The following ALPK1 variants were observed in gnomAD, a reference collection of about 807,000 sequenced individuals.
ALPK1 encodes alpha-protein kinase 1.
Under a neutral mutation model 120.6 loss-of-function variants are expected in ALPK1, and 110 were observed. That is an observed-to-expected ratio of 0.91 (90% CI 0.78 to 1.07). The LOEUF is 1.07. ALPK1 is among the 50% of genes least tolerant of loss of function. The pLI, the probability that ALPK1 is intolerant of heterozygous loss-of-function variation, is 0.00. For missense variants in ALPK1, 1,498 were observed against 1,483.9 expected, an observed-to-expected ratio of 1.01 and a Z score of -0.16; for synonymous variants, 582 against 560.3, an observed-to-expected ratio of 1.04 and a Z score of -0.55.
intron 4 of ALPK1, among the ~76,000 whole-genome samples, chr4:112,407,240 A>G (rs1733224041): frequency 6.6e-6 from 1 of 152,252 alleles, no homozygotes; most frequent in Non-Finnish European, 1.5e-5. Context: ...TTGCAACAAC[A>G]TGAACATACT....
chr4:112,438,478 T>G lies in ALPK1; in HGVS notation c.3189-6T>G. On this transcript the variant is annotated splice_region_variant and splice_polypyrimidine_tract_variant and intron_variant, in intron 12 of 15. Transcript: ENST00000650871. ...ATTTTGTTGTGTGGATTTTCTTTGT[T>G]CATAGGTATGTTGGGAAAGACTATA... The G allele has an allele frequency of 6.2e-7, 1 of 1,612,430 alleles. No homozygotes were observed. The highest frequency in any genetic ancestry group is 1.7e-5 in the Admixed American group (1 of 59,708).
chr4:112,322,950 C>A (rs964294206), intron 2 of ALPK1, among the ~76,000 whole-genome samples: 2 of 152,202 alleles, frequency 1.3e-5, no homozygotes, highest in African/African-American at 2.4e-5. Flanking sequence ...ATGCCCCATG[C>A]CTGCCTGAGC....
At chr4:112,318,824 G>A (rs17044408) in intron 2 of ALPK1, among the ~76,000 whole-genome samples, 6,841 of 152,314 alleles carry the variant, frequency 0.045, 460 homozygotes, top group African/African-American at 0.15. Context: ...AATTATGACA[G>A]AGCATGATGT....
intron 4 of ALPK1, among the ~76,000 whole-genome samples, chr4:112,389,037 G>A (rs1732280616): frequency 6.8e-6 from 1 of 147,570 alleles, no homozygotes; most frequent in South Asian, 2.2e-4. Flanking sequence ...CACAAGGAGG[G>A]CCATGCTGGC....
At chr4:112,416,491 A>G (rs1733752044) in intron 5 of ALPK1, among the ~76,000 whole-genome samples, 2 of 152,204 alleles carry the variant, frequency 1.3e-5, no homozygotes, top group Non-Finnish European at 1.5e-5. Flanking sequence ...AAAACACAGA[A>G]GCATAGGAAG....
At chr4:112,299,424 A>G (rs1272816116) in intron 1 of ALPK1, among the ~76,000 whole-genome samples, 1 of 152,156 alleles carries the variant, frequency 6.6e-6, no homozygotes, top group African/African-American at 2.4e-5. Flanking sequence ...TGCTTATAAA[A>G]CCTAGAATTT....
At chr4:112,435,749 C>T (rs113505610) in intron 12 of ALPK1, among the ~76,000 whole-genome samples, 2 of 152,306 alleles carry the variant, frequency 1.3e-5, no homozygotes, top group African/African-American at 4.8e-5. Flanking sequence ...GATTGCTGAA[C>T]CCTTTAGGGA....
At chr4:112,378,915 A>G (rs967188701) in intron 3 of ALPK1, among the ~76,000 whole-genome samples, 2 of 152,182 alleles carry the variant, frequency 1.3e-5, no homozygotes, top group African/African-American at 2.4e-5. Flanking sequence ...CAGTCATTTC[A>G]CAGCCTCAGT....
At chr4:112,438,206 T>A (rs903674873) in intron 12 of ALPK1, among the ~76,000 whole-genome samples, 1 of 152,308 alleles carries the variant, frequency 6.6e-6, no homozygotes, top group East Asian at 1.9e-4. Flanking sequence ...GACCCCCTTG[T>A]CTTACCAGAG....
chr4:112,334,770 A>G (rs1417950499), intron 2 of ALPK1, among the ~76,000 whole-genome samples: 1 of 152,180 alleles, frequency 6.6e-6, no homozygotes, highest in African/African-American at 2.4e-5. Context: ...TCCTTGTACT[A>G]TAGGATTCTT....
intron 2 of ALPK1, chr4:112,356,097 C>A: frequency 7.9e-7 from 1 of 1,264,722 alleles, no homozygotes; most frequent in East Asian, 2.3e-5. Flanking sequence ...TAGCCTGCCC[C>A]TCAGCCACCC....
intron 2 of ALPK1, among the ~76,000 whole-genome samples, chr4:112,350,353 A>C (rs1370840962): frequency 6.6e-6 from 1 of 152,190 alleles, no homozygotes; most frequent in Admixed American, 6.5e-5. Context: ...GCAATGCTTC[A>C]CAGCCCTGAC....
At chr4:112,346,008 C>A (rs556762030) in intron 2 of ALPK1, among the ~76,000 whole-genome samples, 1 of 152,088 alleles carries the variant, frequency 6.6e-6, no homozygotes, top group Non-Finnish European at 1.5e-5. Flanking sequence ...GGATTACAGG[C>A]GTGCGCTGCC....
chr4:112,376,889 A>T (rs748227308), intron 2 of ALPK1, among the ~76,000 whole-genome samples: 6 of 152,230 alleles, frequency 3.9e-5, no homozygotes, highest in Non-Finnish European at 5.9e-5. Context: ...CAAAAGAAAG[A>T]TAGACAAAAA....
chr4:112,368,316 TG>T lies in ALPK1; in HGVS notation c.-100-9361del, dbSNP rs1446621918. Among the ~76,000 whole-genome samples the T allele has an allele frequency of 3.9e-5, 6 of 152,356 alleles. No individual in the cohort carries two copies. The East Asian group carries it at 1.2e-3, about 29-fold the overall frequency. ...GAAATTCTTATTCTTAATCTGCTTA[TG>T]CTTTCTCTATAGCTTATGCTGTTTA... On this transcript the variant is annotated intron_variant, in intron 2 of 15. Transcript: ENST00000650871.
intron 2 of ALPK1, among the ~76,000 whole-genome samples, chr4:112,346,313 T>A (rs1288119713): frequency 6.6e-6 from 1 of 152,268 alleles, no homozygotes; most frequent in African/African-American, 2.4e-5. Flanking sequence ...TATTTGAGTC[T>A]CATATTACAA....
chr4:112,395,428 T>C (rs1019792874), intron 4 of ALPK1, among the ~76,000 whole-genome samples: 2 of 152,200 alleles, frequency 1.3e-5, no homozygotes, highest in Admixed American at 6.5e-5. Context: ...ACAAAAGAAG[T>C]TTGCTATTAT....
At chr4:112,437,997 C>G (rs1402303411) in intron 12 of ALPK1, among the ~76,000 whole-genome samples, 1 of 152,212 alleles carries the variant, frequency 6.6e-6, no homozygotes, top group South Asian at 2.1e-4. Context: ...CTCACACTTT[C>G]TTCAAGTCAC....
chr4:112,318,877 A>G (rs1728746087), intron 2 of ALPK1, among the ~76,000 whole-genome samples: 1 of 152,240 alleles, frequency 6.6e-6, no homozygotes, highest in Admixed American at 6.5e-5. Context: ...TGGGGACACC[A>G]TTCCAGAGTA....
Sources: allele counts gnomAD v4.1 joint callset (sites outside exome capture counted in the v4.1 genomes callset), GRCh38; gene constraint gnomAD v4.1.1; transcripts MANE v1.5; gene names NCBI Gene and HGNC (gene_info 2026-07-23, HGNC 2026-07-21).